Variants in ERC1 observed in about 807,000 individuals in gnomAD.
ERC1 encodes the protein ELKS/RAB6-interacting/CAST family member 1.
Under a neutral mutation model 132.0 loss-of-function variants are expected in ERC1, and 56 were observed. The ratio of observed to expected loss-of-function variants is 0.42; its 90% CI spans 0.34 to 0.53. ERC1 has a LOEUF of 0.53. ERC1 is among the 20% of genes least tolerant of loss of function. The probability of loss-of-function intolerance (pLI) is 0.03; values close to 1 mark genes in which losing one functional copy is unlikely to be tolerated. For missense variants in ERC1, 1,202 were observed against 1,349.9 expected (o/e 0.89, Z 1.72); for synonymous variants, 478 against 476.1 (o/e 1.00, Z -0.05).
intron 15 of ERC1, among the ~76,000 whole-genome samples, chr12:1,304,218 TTA>T: frequency 6.6e-6 from 1 of 152,194 alleles, no homozygotes; most frequent in Non-Finnish European, 1.5e-5. Context: ...AGTCAAGATT[TTA>T]AAACTATCCA....
At chr12:1,368,500 TAAC>T (rs966747326) in intron 15 of ERC1, among the ~76,000 whole-genome samples, 6 of 152,210 alleles carry the variant, frequency 3.9e-5, no homozygotes, top group African/African-American at 7.2e-5. Flanking sequence ...TGAGTGTTTT[TAAC>T]AACATTTCTG....
rs1421206925 is a variant in ERC1 at position 1,114,491 on chromosome 12, G to A, written c.1402-1375G>A. On this transcript the variant is annotated intron_variant, in intron 6 of 18. Transcript: ENST00000360905. Reference sequence around the variant, plus strand: ...GGAAATTTGAATAATCTTAGTCATAGTTCTTTAGCTGAGAAAATGGTAACA... The same window carrying A: ...GGAAATTTGAATAATCTTAGTCATAATTCTTTAGCTGAGAAAATGGTAACA... 2.0e-5 allele frequency among the ~76,000 whole-genome samples: 3 copies of A among 152,258 alleles called. No individual in the cohort carries two copies. In the East Asian group the frequency reaches 5.8e-4, roughly 29 times the overall value.
At chr12:1,210,017 C>T (rs1957720192) in intron 12 of ERC1, among the ~76,000 whole-genome samples, 1 of 152,170 alleles carries the variant, frequency 6.6e-6, no homozygotes, top group Admixed American at 6.5e-5. Flanking sequence ...GATGTTAGAG[C>T]AAAAGCACTG....
intron 18 of ERC1, among the ~76,000 whole-genome samples, chr12:1,484,303 CAA>C (rs963378624): frequency 7.6e-6 from 1 of 131,848 alleles, no homozygotes; most frequent in Non-Finnish European, 1.6e-5. Context: ...GACTCCGTCT[CAA>C]AAAAAAAAAA....
At chr12:1,108,617 T>C (rs1014351130) in intron 4 of ERC1, among the ~76,000 whole-genome samples, 2 of 152,226 alleles carry the variant, frequency 1.3e-5, no homozygotes, top group African/African-American at 4.8e-5. Context: ...ATCTTAAAAG[T>C]GAATTTTCAG....
intron 15 of ERC1, among the ~76,000 whole-genome samples, chr12:1,356,923 A>G (rs147113059): frequency 2.0e-5 from 3 of 152,324 alleles, no homozygotes; most frequent in South Asian, 2.1e-4. Flanking sequence ...TGAATCATTA[A>G]TGCAAGAAGG....
chr12:1,453,867 A>G (rs2093475126), intron 18 of ERC1, among the ~76,000 whole-genome samples: 1 of 152,214 alleles, frequency 6.6e-6, no homozygotes, highest in African/African-American at 2.4e-5. Flanking sequence ...TATAATAAGA[A>G]ATACACATTT....
chr12:1,041,096 A>C (rs1262144245), intron 2 of ERC1, among the ~76,000 whole-genome samples: 1 of 152,210 alleles, frequency 6.6e-6, no homozygotes, highest in Non-Finnish European at 1.5e-5. Flanking sequence ...TTGTCATATT[A>C]GATACTAAAA....
intron 14 of ERC1, among the ~76,000 whole-genome samples, chr12:1,282,366 T>A (rs868306844): frequency 1.3e-5 from 2 of 152,168 alleles, no homozygotes; most frequent in South Asian, 4.1e-4. Flanking sequence ...ATAGGATCAT[T>A]TTGAGGCTTT....
intron 15 of ERC1, among the ~76,000 whole-genome samples, chr12:1,321,124 A>C (rs1403910402): frequency 6.6e-6 from 1 of 152,162 alleles, no homozygotes; most frequent in Non-Finnish European, 1.5e-5. Flanking sequence ...AGTGCGGGGG[A>C]AAATGAGGTT....
In ERC1 at chr12:1,154,279, A is replaced by G. The variant is rs12367630; in HGVS notation, c.1737+12492A>G. Among the ~76,000 whole-genome samples, 695 of 140,048 alleles carry G rather than the reference A, an allele frequency of 5.0e-3. 7 individuals carry two copies. The highest frequency in any genetic ancestry group is 0.033 in the South Asian group (151 of 4,554). The allele number at this position is 140,048 out of a possible 152,430, so 91.9% of individuals were successfully genotyped here. A position where few individuals can be genotyped will look rare whatever the true frequency, so the allele number is the denominator to read the frequency against. On this transcript the variant is annotated intron_variant, in intron 8 of 18. Coordinates refer to ENST00000360905, the MANE Select transcript of ERC1 (RefSeq NM_178040.4). ...TATATGTGTATATATACACATATAC[A>G]TGTATATATACACACACACGTGCAT...
intron 9 of ERC1, 138 bp downstream of exon 9, chr12:1,180,815 G>A (rs932409850): frequency 7.8e-6 from 8 of 1,028,756 alleles, no homozygotes; most frequent in African/African-American, 5.2e-5. Flanking sequence ...TACGTAGTGT[G>A]AAGGGAAACA....
At chr12:1,478,798 AAG>A (rs916577984) in intron 18 of ERC1, among the ~76,000 whole-genome samples, 6 of 151,054 alleles carry the variant, frequency 4.0e-5, no homozygotes, top group South Asian at 2.1e-4. Context: ...CAATAAAAAA[AAG>A]AGAGAGAGAG....
At chr12:1,229,782 C>A (rs1439996679) in intron 12 of ERC1, among the ~76,000 whole-genome samples, 4 of 151,888 alleles carry the variant, frequency 2.6e-5, no homozygotes, top group South Asian at 2.1e-4. Flanking sequence ...AATTTTCTTT[C>A]TGGTCTCCCA....
Position 1,115,891 on chromosome 12 carries a change from C to T in ERC1, c.1427C>T (p.Ser476Phe). The T allele has an allele frequency of 6.2e-7, 1 of 1,613,926 alleles. No individual in the cohort carries two copies. Among genetic ancestry groups the T allele is most frequent in the Non-Finnish European group, 8.5e-7 (1 of 1,179,944 alleles). ...ATTGGCCAGGTGAAACAGGAGCTGTCCAGAAAGGACACAGAACTACTCGCC... is the reference window on the plus strand; with the variant it reads ...ATTGGCCAGGTGAAACAGGAGCTGTTCAGAAAGGACACAGAACTACTCGCC... ...AEIGQVKQEL[S>F]RKDTELLALQ... Residue 476 changes from serine to phenylalanine, a missense_variant, in exon 7 of 19, where the codon TCC becomes TTC. Transcript: ENST00000360905.
chr12:1,155,589 G>C (rs1951308099), intron 8 of ERC1, among the ~76,000 whole-genome samples: 1 of 151,720 alleles, frequency 6.6e-6, no homozygotes, highest in Admixed American at 6.6e-5. Context: ...CCATTCTCCT[G>C]CCTCAGCTTC....
At chr12:1,270,487 C>T (rs1349428569) in intron 14 of ERC1, among the ~76,000 whole-genome samples, 15 of 152,060 alleles carry the variant, frequency 9.9e-5, no homozygotes, top group East Asian at 3.8e-4. Context: ...GGATTACAGG[C>T]GTGAGCCACT....
At chr12:1,081,194 CT>C (rs1226610157) in intron 2 of ERC1, among the ~76,000 whole-genome samples, 1 of 152,084 alleles carries the variant, frequency 6.6e-6, no homozygotes, top group Non-Finnish European at 1.5e-5. Flanking sequence ...ATGTCACAGC[CT>C]TTTGGAATTC....
At chr12:1,414,097 C>T (rs1310576447) in intron 17 of ERC1, among the ~76,000 whole-genome samples, 4 of 152,174 alleles carry the variant, frequency 2.6e-5, no homozygotes, top group Admixed American at 1.3e-4. Context: ...ATCCAGGAGG[C>T]GGAGCTCAGG....
Sources: allele counts gnomAD v4.1 joint callset (sites outside exome capture counted in the v4.1 genomes callset), GRCh38; gene constraint gnomAD v4.1.1; transcripts MANE v1.5; gene names NCBI Gene and HGNC (gene_info 2026-07-23, HGNC 2026-07-21).